COPS5: variants seen among roughly 807,000 people sequenced by gnomAD.
COPS5 encodes the protein COP9 signalosome complex subunit 5.
COPS5 carries 8 observed loss-of-function variants against 44.4 expected under a neutral mutation model. The ratio of observed to expected loss-of-function variants is 0.18; its 90% CI spans 0.11 to 0.32. The LOEUF (loss-of-function observed/expected upper bound fraction) is 0.32. Among genes scored for constraint, COPS5 ranks in the 10% least tolerant of loss-of-function variants. The pLI, the probability that COPS5 is intolerant of heterozygous loss-of-function variation, is 1.00. For missense variants in COPS5, 159 were observed against 406.4 expected (o/e 0.39, Z 5.23); for synonymous variants, 122 against 142.8 (o/e 0.85, Z 1.04).
chr8:67,058,249 T>C lies in COPS5; in HGVS notation c.379-38A>G, dbSNP rs563715829. 29 of 1,602,516 alleles carry C rather than the reference T, an allele frequency of 1.8e-5. No individual in the cohort carries two copies. The Admixed American group carries it at 4.5e-4, about 25-fold the overall frequency. ...GGGGCAAAAAAGTTTAAGATTACTC[T>C]TTAATTAATTTACAAGGTACCAGTA... On this transcript the variant is annotated intron_variant, in intron 2 of 7. Transcript: ENST00000357849.
At position 67,061,951 on chromosome 8, in the gene COPS5, C is replaced by A; in HGVS notation, c.46G>T (p.Ala16Ser). 6.2e-7 allele frequency: 1 copy of A among 1,614,240 alleles called. No individual in the cohort carries two copies. The highest frequency in any genetic ancestry group is 8.5e-7 in the Non-Finnish European group (1 of 1,180,048). Reference protein sequence around the residue: ...SGMAQKTWELANNMQEAQSID... With the variant: ...SGMAQKTWELSNNMQEAQSID... ...CTCTGAGCTTCCTGCATGTTGTTGG[C>A]CAGTTCCCAGGTTTTCTGGGCCATA... Residue 16 changes from alanine (A) to serine (S), a missense_variant, in exon 1 of 8, where the codon GCC (alanine) becomes TCC (serine). Coordinates refer to ENST00000357849, the MANE Select transcript of COPS5 (RefSeq NM_006837.3).
chr8:67,055,879 G>C (rs1309507116), intron 5 of COPS5, among the ~76,000 whole-genome samples: 2 of 105,720 alleles, frequency 1.9e-5, no homozygotes, highest in East Asian at 3.5e-4. Context: ...GGTGGGGGGA[G>C]GGTATGTAAT....
At chr8:67,055,638 C>A (rs540054720) in intron 5 of COPS5, among the ~76,000 whole-genome samples, 221 of 152,154 alleles carry the variant, frequency 1.5e-3, no homozygotes, top group African/African-American at 5.1e-3. Context: ...GAGGCCGAGG[C>A]GGGTGGATCA....
intron 6 of COPS5, among the ~76,000 whole-genome samples, chr8:67,049,037 G>A (rs1465536439): frequency 6.6e-6 from 1 of 152,168 alleles, no homozygotes; most frequent in African/African-American, 2.4e-5. Flanking sequence ...GTTTATTATA[G>A]AAGAGACATG....
At chr8:67,059,558 A>T (rs953096100) in intron 1 of COPS5, 113 bp from the exon 2 acceptor site, 2 of 752,012 alleles carry the variant, frequency 2.7e-6, no homozygotes, top group African/African-American at 3.5e-5. Context: ...ATGGAAAGGG[A>T]GTGTAGACTA....
intron 6 of COPS5, among the ~76,000 whole-genome samples, chr8:67,047,143 T>C (rs543681527): frequency 3.9e-5 from 6 of 152,104 alleles, no homozygotes; most frequent in African/African-American, 1.4e-4. Flanking sequence ...AATAGAAGAG[T>C]ATGAAGAGGA....
chr8:67,048,096 C>G lies in COPS5; in HGVS notation c.772-2136G>C, dbSNP rs576934854. On this transcript the variant is annotated intron_variant, in intron 6 of 7. Transcript: ENST00000357849. ...CTCCAGACCAGCCTGGACAACATGG[C>G]AAAACCCTGTCTCTATGAAAAAATA... is the stretch of plus-strand genomic sequence containing the variant. Among the ~76,000 whole-genome samples, 81 of 151,694 alleles carry G rather than the reference C, an allele frequency of 5.3e-4. 2 individuals carry two copies. The South Asian group carries it at 8.5e-3, about 16-fold the overall frequency.
chr8:67,055,136 T>C (rs73691191), intron 5 of COPS5, among the ~76,000 whole-genome samples: 12,598 of 152,242 alleles, frequency 0.083, 1,064 homozygotes, highest in African/African-American at 0.22. Flanking sequence ...GCCATGAGCC[T>C]GCTGGCACAT....
chr8:67,060,255 T>C (rs1334730182), intron 1 of COPS5: 1 of 869,974 alleles, frequency 1.1e-6, no homozygotes, highest in East Asian at 7.6e-5. Flanking sequence ...AGGATGAATA[T>C]AATTAGAGCC....
intron 6 of COPS5, chr8:67,047,993 A>G: frequency 1.5e-6 from 1 of 675,556 alleles, no homozygotes; most frequent in Non-Finnish European, 2.7e-6. Context: ...ATAAGAACAG[A>G]TACTGGGCGC....
chr8:67,058,454 CATA>C (rs1563447855), intron 2 of COPS5, among the ~76,000 whole-genome samples: 3 of 152,238 alleles, frequency 2.0e-5, no homozygotes, highest in East Asian at 1.9e-4. Flanking sequence ...TACCACATAA[CATA>C]ATAATGTTTT....
chr8:67,061,444 A>G, intron 1 of COPS5: 1 of 444,858 alleles, frequency 2.2e-6, no homozygotes, highest in African/African-American at 2.0e-5. Context: ...AAAAGAAAAG[A>G]AAATAGCTCA....
chr8:67,048,574 G>A (rs146350097), intron 6 of COPS5, among the ~76,000 whole-genome samples: 12,531 of 151,446 alleles, frequency 0.083, 1,050 homozygotes, highest in African/African-American at 0.22. Flanking sequence ...AAATTAGCCG[G>A]GCGTGGTGGC....
Position 67,052,275 on chromosome 8 carries a change from A to C in COPS5, c.660-934T>G, listed in dbSNP as rs556513140. On this transcript the variant is annotated intron_variant, in intron 5 of 7. Coordinates refer to ENST00000357849, the MANE Select transcript of COPS5 (RefSeq NM_006837.3). ...AGGAGGGCATTAGGCAGAGAGCATC[A>C]ACACACAAAAAGGAAAGACATGTAA... 2.0e-5 allele frequency among the ~76,000 whole-genome samples: 3 copies of C among 152,262 alleles called. No individual in the cohort carries two copies. The South Asian group carries it at 6.2e-4, about 32-fold the overall frequency.
Position 67,062,082 on chromosome 8 carries a change from C to A in COPS5, c.-86G>T. Reference sequence around the variant, plus strand: ...TTTCCGGGTGTGGGCCTTGACCCTCCGCACCACGGGAACAAACTCTTACCT... The same window carrying A: ...TTTCCGGGTGTGGGCCTTGACCCTCAGCACCACGGGAACAAACTCTTACCT... On this transcript the variant is annotated 5_prime_UTR_variant, in exon 1 of 8. Transcript: ENST00000357849. The A allele has an allele frequency of 1.3e-6, 2 of 1,598,108 alleles. No individual in the cohort carries two copies. Among genetic ancestry groups the A allele is most frequent in the South Asian group, 1.1e-5 (1 of 89,690 alleles).
Position 67,059,311 on chromosome 8 carries a change from A to G in COPS5, c.278T>C (p.Met93Thr), listed in dbSNP as rs1269145339. ...GKVDGETMIIMDSFALPVEGT... is the reference protein window; with the variant it reads ...GKVDGETMIITDSFALPVEGT... ...CTCCACAGGCAAAGCAAAACTGTCCATAATGATCATGGTTTCACCATCCAC... is the reference window on the plus strand; with the variant it reads ...CTCCACAGGCAAAGCAAAACTGTCCGTAATGATCATGGTTTCACCATCCAC... The change falls in exon 2 of 8, where the codon ATG (methionine) becomes ACG (threonine). Residue 93 changes from methionine (M) to threonine (T), a missense_variant. By Grantham distance (81) the Met-to-Thr change is moderately conservative. This residue lies in a region of COPS5 where 134 missense variants were observed against 376.7 expected (regional missense o/e 0.36). Coordinates refer to ENST00000357849, the MANE Select transcript of COPS5 (RefSeq NM_006837.3). The G allele has an allele frequency of 1.9e-6, 3 of 1,614,240 alleles. No homozygotes were observed. The highest frequency in any genetic ancestry group is 1.7e-5 in the Admixed American group (1 of 60,026).
chr8:67,054,328 A>C (rs1017687210), intron 5 of COPS5, among the ~76,000 whole-genome samples: 5 of 152,222 alleles, frequency 3.3e-5, no homozygotes, highest in African/African-American at 9.7e-5. Context: ...ACTCAATATA[A>C]ATAAAAAAAA....
At chr8:67,049,183 G>C (rs999570128) in intron 6 of COPS5, among the ~76,000 whole-genome samples, 1 of 152,150 alleles carries the variant, frequency 6.6e-6, no homozygotes, top group African/African-American at 2.4e-5. Flanking sequence ...GAAATAATCT[G>C]GCTGGGCATG....
chr8:67,061,162 G>GA (rs1238682245), intron 1 of COPS5: 1 of 193,328 alleles, frequency 5.2e-6, no homozygotes, highest in Non-Finnish European at 1.1e-5. Context: ...CACTCCCAGG[G>GA]AAAAATGGAT....
Sources: allele counts gnomAD v4.1 joint callset (sites outside exome capture counted in the v4.1 genomes callset), GRCh38; gene constraint gnomAD v4.1.1; regional missense constraint gnomAD v4.1.1; transcripts MANE v1.5; gene names NCBI Gene and HGNC (gene_info 2026-07-23, HGNC 2026-07-21).